KCNH4: variants seen among roughly 807,000 people sequenced by gnomAD.
The protein encoded by KCNH4 is potassium voltage-gated channel subfamily H member 4, also known as voltage-gated delayed rectifier potassium channel KCNH4.
A neutral mutation model predicts 90.7 loss-of-function variants in KCNH4; 33 were observed. That is an observed-to-expected ratio of 0.36 (90% confidence interval 0.28 to 0.49). The LOEUF (loss-of-function observed/expected upper bound fraction) is 0.49, where lower values mean the gene tolerates loss of function less well. Among genes scored for constraint, KCNH4 ranks in the 20% least tolerant of loss-of-function variants. KCNH4 has a pLI of 0.98. For synonymous variants in KCNH4, 551 were observed against 581.7 expected (o/e 0.95, Z 0.76); for missense variants, 1,044 against 1,387.1 (o/e 0.75, Z 3.93).
chr17:42,176,224 A>C lies in KCNH4; in HGVS notation c.659T>G (p.Leu220Arg), dbSNP rs781658150. The C allele has an allele frequency of 6.2e-7, 1 of 1,613,852 alleles. No individual in the cohort carries two copies. The highest frequency in any genetic ancestry group is 8.5e-7 in the Non-Finnish European group (1 of 1,179,924). The change falls in exon 5 of 17, where the codon CTC becomes CGC. Residue 220 changes from leucine to arginine, a missense_variant. By Grantham distance (102) the Leu-to-Arg change is moderately radical. Around this residue, in one of 4 missense-constraint regions of KCNH4, gnomAD observed 283 missense variants for 378.6 expected, o/e 0.75. Transcript: ENST00000264661. ...ASVGGSRCLL[L>R]HYSVSKAIWD... ...GATGGCCTTGGAGACGCTGTAGTGG[A>C]GGAGGAGGCAGCGAGACCCCCCCAC... is the stretch of plus-strand genomic sequence containing the variant.
chr17:42,173,693 CTT>C (rs532100884), intron 6 of KCNH4, among the ~76,000 whole-genome samples: 48 of 66,260 alleles, frequency 7.2e-4, no homozygotes, highest in African/African-American at 2.9e-3. Flanking sequence ...CGATCTGGTT[CTT>C]TTTTTTTTTT....
At chr17:42,167,378 T>C (rs1231246621) in intron 9 of KCNH4, among the ~76,000 whole-genome samples, 3 of 152,188 alleles carry the variant, frequency 2.0e-5, no homozygotes, top group Non-Finnish European at 2.9e-5. Context: ...GTAATTCTCC[T>C]GCCTCAGCCT....
At position 42,169,006 on chromosome 17, in the gene KCNH4, T is replaced by G. The variant is rs537334323; in HGVS notation, c.1590+471A>C. Among the ~76,000 whole-genome samples the G allele has an allele frequency of 3.3e-5, 5 of 152,208 alleles. No individual in the cohort carries two copies. In the South Asian group the frequency reaches 1.0e-3, roughly 32 times the overall value. On this transcript the variant is annotated intron_variant, in intron 9 of 16. Coordinates refer to ENST00000264661, the MANE Select transcript of KCNH4 (RefSeq NM_012285.3). ...CAGGATGGTCTCGATCTCCTGACCT[T>G]GTGATCCGCCCACCTCGGCCTCCCA...
chr17:42,178,696 G>T, intron 2 of KCNH4, 97 bp downstream of exon 2: 1 of 1,216,026 alleles, frequency 8.2e-7, no homozygotes. Context: ...GCTTTTGGCA[G>T]TGTGGGGACA....
At position 42,162,288 on chromosome 17, in the gene KCNH4, G is replaced by A; in HGVS notation, c.2618C>T (p.Ala873Val). Residue 873 changes from alanine to valine, a missense_variant, in exon 15 of 17, where the codon GCT (alanine) becomes GTT (valine). By Grantham distance (64) the Ala-to-Val change is moderately conservative (BLOSUM62 0). This residue lies in a region of KCNH4 where 441 missense variants were observed against 512.3 expected (regional missense o/e 0.86). Coordinates refer to ENST00000264661, the MANE Select transcript of KCNH4 (RefSeq NM_012285.3). ...GCAAACCTTTTCCTTCACCTCCTCA[G>A]CCTCACTGGCCAATTCTGGGCTGGG... is the stretch of plus-strand genomic sequence containing the variant. ...TRPSPELASE[A>V]EEVKEKVCRL... The A allele has an allele frequency of 1.9e-6, 3 of 1,613,994 alleles. No individual in the cohort carries two copies. Among genetic ancestry groups the A allele is most frequent in the Non-Finnish European group, 1.7e-6 (2 of 1,179,954 alleles).
chr17:42,176,284 G>T lies in KCNH4; in HGVS notation c.599C>A (p.Pro200Gln). ...CTTGTACTCGGGCACTGATGGCTTT[G>T]GCTCAAACACGTTCTAAGGGGAGAG... The part of the protein sequence containing the change: ...GMKANNNVFE[P>Q]KPSVPEYKVA... Residue 200 changes from proline (P) to glutamine (Q), a missense_variant, in exon 5 of 17, where the codon CCA (proline) becomes CAA (glutamine). Transcript: ENST00000264661. 1 of 1,613,336 alleles carries T rather than the reference G, an allele frequency of 6.2e-7. No individual in the cohort carries two copies.
At chr17:42,179,105 T>C (rs1433526609) in intron 1 of KCNH4, 79 bp from the exon 2 acceptor site, 1 of 1,050,908 alleles carries the variant, frequency 9.5e-7, no homozygotes, top group African/African-American at 1.6e-5. Flanking sequence ...TCCTCTAAGT[T>C]GGGGTTAGAA....
chr17:42,172,831 A>C (rs969756906), intron 6 of KCNH4, among the ~76,000 whole-genome samples: 1 of 151,972 alleles, frequency 6.6e-6, no homozygotes. Context: ...GAGCCCCAGT[A>C]GCGACGGCAG....
In KCNH4 at chr17:42,178,960, C is replaced by T; in HGVS notation, c.143G>A (p.Gly48Asp). 1 of 1,614,220 alleles carries T rather than the reference C, an allele frequency of 6.2e-7. No homozygotes were observed. ...RGFPIVYCSDGFCELTGYGRT... is the reference protein window; with the variant it reads ...RGFPIVYCSDDFCELTGYGRT... ...ACCGTAGCCTGTGAGCTCGCAGAAGCCGTCGGAGCAGTAGACGATGGGAAA... is the reference window on the plus strand; with the variant it reads ...ACCGTAGCCTGTGAGCTCGCAGAAGTCGTCGGAGCAGTAGACGATGGGAAA... The change falls in exon 2 of 17, where the codon GGC becomes GAC. Residue 48 changes from glycine (G) to aspartate (D), a missense_variant. Gly to Asp is a moderately conservative substitution (Grantham distance 94). This residue lies in a region of KCNH4 where 283 missense variants were observed against 378.6 expected (regional missense o/e 0.75). Coordinates refer to ENST00000264661, the MANE Select transcript of KCNH4 (RefSeq NM_012285.3).
chr17:42,165,615 A>G lies in KCNH4; in HGVS notation c.1919T>C (p.Leu640Pro). The change falls in exon 11 of 17, where the codon CTA (leucine) becomes CCA (proline). Residue 640 changes from leucine to proline, a missense_variant. Coordinates refer to ENST00000264661, the MANE Select transcript of KCNH4 (RefSeq NM_012285.3). Reference protein sequence around the residue: ...PGLGADPNFVLKTSADVKALT... With the variant: ...PGLGADPNFVPKTSADVKALT... ...AGCTTTCACATCAGCACTGGTCTTT[A>G]GCACGAAGTTTGGGTCTGCTCCCAA... is the stretch of plus-strand genomic sequence containing the variant. 1 of 1,614,210 alleles carries G rather than the reference A, an allele frequency of 6.2e-7. No individual in the cohort carries two copies. Among genetic ancestry groups the G allele is most frequent in the Non-Finnish European group, 8.5e-7 (1 of 1,180,036 alleles).
chr17:42,168,346 G>A (rs987067617), intron 9 of KCNH4, among the ~76,000 whole-genome samples: 2 of 152,142 alleles, frequency 1.3e-5, no homozygotes, highest in African/African-American at 4.8e-5. Flanking sequence ...TTATTCAAGT[G>A]CAAAGAAACA....
Position 42,170,094 on chromosome 17 carries a change from G to A in KCNH4, c.1390+13C>T, listed in dbSNP as rs750558745. 6.3e-7 allele frequency: 1 copy of A among 1,585,866 alleles called. No homozygotes were observed. Among genetic ancestry groups the A allele is most frequent in the Non-Finnish European group, 8.6e-7 (1 of 1,164,302 alleles). ...CGCAGGGCCCCACTGAGGCGTGGCA[G>A]GTCTGGCCTCACCGCCTATGAGCAT... On this transcript the variant is annotated intron_variant, in intron 8 of 16. Transcript: ENST00000264661.
At chr17:42,176,018 C>T (rs1261245722) in intron 5 of KCNH4, 36 bp downstream of exon 5, 2 of 1,563,242 alleles carry the variant, frequency 1.3e-6, no homozygotes, top group African/African-American at 2.7e-5. Context: ...ATCCCCCCAG[C>T]CGACCCACCA....
chr17:42,180,174 G>A lies in KCNH4; in HGVS notation c.76+696C>T, dbSNP rs2079891277. ...CCGCTCCCCCACCATCCAGATCCCG[G>A]CCAGGGTTCCCGAGGGAATGGCGGG... On this transcript the variant is annotated intron_variant, in intron 1 of 16. Coordinates refer to ENST00000264661, the MANE Select transcript of KCNH4 (RefSeq NM_012285.3). The surrounding 1 kb of genome is among the most constrained non-coding windows in gnomAD (Gnocchi z 4.7). Among the ~76,000 whole-genome samples, 2 of 152,192 alleles carry A rather than the reference G, an allele frequency of 1.3e-5. No homozygotes were observed. Among genetic ancestry groups the A allele is most frequent in the African/African-American group, 2.4e-5 (1 of 41,442 alleles).
At chr17:42,179,082 G>T in intron 1 of KCNH4, 56 bp from the exon 2 acceptor site, 1 of 1,330,460 alleles carries the variant, frequency 7.5e-7, no homozygotes, top group Non-Finnish European at 1.1e-6. Context: ...CTAGCTTCCA[G>T]GTGGGCAGCA....
At position 42,178,962 on chromosome 17, in the gene KCNH4, G is replaced by A. The variant is rs759078439; in HGVS notation, c.141C>T (p.Asp47=). ...CGTAGCCTGTGAGCTCGCAGAAGCC[G>A]TCGGAGCAGTAGACGATGGGAAAGC... ...TRGFPIVYCS[D]GFCELTGYGR... The change falls in exon 2 of 17, where the codon GAC becomes GAT. Residue 47 remains aspartate (D), a synonymous_variant. Transcript: ENST00000264661. 1.2e-5 allele frequency: 19 copies of A among 1,614,120 alleles called. No homozygotes were observed. The highest frequency in any genetic ancestry group is 5.3e-5 in the African/African-American group (4 of 74,940).
chr17:42,164,799 CA>C (rs111862071), intron 11 of KCNH4, among the ~76,000 whole-genome samples: 23,186 of 145,446 alleles, frequency 0.16, 2,028 homozygotes, highest in East Asian at 0.39. Context: ...CAGACTGTCT[CA>C]AAAAAAAACA....
At chr17:42,171,367 A>G (rs2079825831) in intron 7 of KCNH4, among the ~76,000 whole-genome samples, 1 of 152,078 alleles carries the variant, frequency 6.6e-6, no homozygotes. Context: ...CCGGGATCTG[A>G]CAGGCCTTTC....
chr17:42,168,935 C>G (rs2079807020), intron 9 of KCNH4, among the ~76,000 whole-genome samples: 1 of 151,848 alleles, frequency 6.6e-6, no homozygotes, highest in Non-Finnish European at 1.5e-5. Flanking sequence ...CCATGCCCGG[C>G]TAATTTTTTG....
Sources: allele counts gnomAD v4.1 joint callset (sites outside exome capture counted in the v4.1 genomes callset), GRCh38; gene constraint gnomAD v4.1.1; regional missense constraint gnomAD v4.1.1; non-coding constraint Gnocchi (gnomAD v3.1); transcripts MANE v1.5; gene names NCBI Gene and HGNC (gene_info 2026-07-23, HGNC 2026-07-21).